Variants in OVCH1 observed in about 807,000 individuals in gnomAD.
OVCH1 encodes the protein ovochymase-1.
OVCH1 carries 139 observed loss-of-function variants against 138.4 expected under a neutral mutation model. The observed-to-expected ratio is 1.00, with a 90% CI of 0.87 to 1.16. The LOEUF is 1.16. Ranked by LOEUF, OVCH1 falls within the 50% of genes most tolerant of loss-of-function variation. The probability of loss-of-function intolerance (pLI) is 0.00; values close to 1 mark genes in which losing one functional copy is unlikely to be tolerated. For synonymous variants in OVCH1, 453 were observed against 467.8 expected (o/e 0.97, Z 0.41); for missense variants, 1,367 against 1,357.9 (o/e 1.01, Z -0.11).
chr12:29,452,546 G>T (rs1025392029), intron 21 of OVCH1, among the ~76,000 whole-genome samples: 1 of 152,094 alleles, frequency 6.6e-6, no homozygotes, highest in Non-Finnish European at 1.5e-5. Context: ...TCTGGGAATG[G>T]TGTATAAAAC....
intron 6 of OVCH1, among the ~76,000 whole-genome samples, chr12:29,488,620 C>CAAAAAAAAAAAAAAAAAAAAAAAAAA (rs67595567): frequency 5.0e-4 from 31 of 61,728 alleles, no homozygotes; most frequent in Middle Eastern, 9.8e-3. Context: ...GACTCCATCT[C>CAAAAAAAAAAAAAAAAAAAAAAAAAA]AAAAAAAAAA....
intron 6 of OVCH1, among the ~76,000 whole-genome samples, chr12:29,488,933 C>T (rs952542610): frequency 1.6e-4 from 24 of 152,136 alleles, no homozygotes; most frequent in Non-Finnish European, 3.5e-4. Context: ...GTCATCGCCT[C>T]GAAGAAAAAC....
downstream of OVCH1, among the ~76,000 whole-genome samples, chr12:29,410,728 C>G (rs1329329216): frequency 1.3e-5 from 2 of 151,890 alleles, no homozygotes; most frequent in Non-Finnish European, 2.9e-5. Flanking sequence ...ACCTTTCTCT[C>G]TGGCTGCCCT....
chr12:29,472,057 G>C, intron 15 of OVCH1, 75 bp from the exon 16 acceptor site: 6 of 1,354,074 alleles, frequency 4.4e-6, no homozygotes, highest in Non-Finnish European at 6.0e-6. Flanking sequence ...GCTTGCCATA[G>C]TTAACAGTAG....
chr12:29,478,851 G>A, exon 9 of OVCH1: 1 of 1,589,162 alleles, frequency 6.3e-7, no homozygotes, highest in Non-Finnish European at 8.6e-7. Context: ...GCACTCCACT[G>A]CTTGATCGTA....
Position 29,485,141 on chromosome 12 carries a change from C to T in OVCH1, c.995+1105G>A, listed in dbSNP as rs537661159. Among the ~76,000 whole-genome samples the T allele has an allele frequency of 1.8e-3, 272 of 151,988 alleles. 1 individual carries two copies. Among genetic ancestry groups the T allele is most frequent in the African/African-American group, 6.3e-3 (261 of 41,450 alleles). Reference sequence around the variant, plus strand: ...TAACGTACAATTTGAGAAGCTGAGGCGGTTGCATCACTTGAGGTCGGGAGT... The same window carrying T: ...TAACGTACAATTTGAGAAGCTGAGGTGGTTGCATCACTTGAGGTCGGGAGT... On this transcript the variant is annotated intron_variant, in intron 8 of 27. Transcript: ENST00000318184.
rs762411340 is a variant in OVCH1, at chr12:29,451,525, G to GA, written c.2574dup (p.Pro859SerfsTer10). ...TAATCCAGTAGATACCGTGGTGTGGGAAAAAAGCCTCTAGGCTTTTCTAGC... is the reference window on the plus strand; with the variant it reads ...TAATCCAGTAGATACCGTGGTGTGGGAAAAAAAGCCTCTAGGCTTTTCTAGC... On this transcript the variant is annotated frameshift_variant, in exon 22 of 28. Coordinates refer to ENST00000318184, the Ensembl canonical transcript of OVCH1. LOFTEE classifies it high-confidence loss of function. 6.2e-6 allele frequency: 10 copies of GA among 1,612,744 alleles called. No homozygotes were observed. Among genetic ancestry groups the GA allele is most frequent in the African/African-American group, 2.7e-5 (2 of 74,814 alleles).
At chr12:29,474,246 TC>T (rs1327948146) in intron 14 of OVCH1, among the ~76,000 whole-genome samples, 1 of 152,174 alleles carries the variant, frequency 6.6e-6, no homozygotes, top group East Asian at 1.9e-4. Flanking sequence ...TCAGTACTTT[TC>T]TTGCATGTAA....
intron 10 of OVCH1, 31 bp from the exon 11 acceptor site, chr12:29,477,509 A>G (rs1382672363): frequency 6.2e-7 from 1 of 1,613,902 alleles, no homozygotes; most frequent in Admixed American, 1.7e-5. Context: ...GTGAAATAAC[A>G]TTACTAAAAA....
the OVCH1 span, among the ~76,000 whole-genome samples, chr12:29,405,046 A>G: frequency 4.7e-5 from 7 of 150,112 alleles, no homozygotes; most frequent in Middle Eastern, 0.024. Context: ...AAAAAAAAAA[A>G]AAAAAAAAAA....
intron 16 of OVCH1, among the ~76,000 whole-genome samples, chr12:29,469,645 C>G (rs947531611): frequency 6.6e-6 from 1 of 151,652 alleles, no homozygotes; most frequent in Non-Finnish European, 1.5e-5. Flanking sequence ...TTTGGGAAGC[C>G]AAGGTGGGAG....
rs1271176450 is a variant in OVCH1, at chr12:29,451,464, ACT to A, written c.2634_2635del (p.Arg878SerfsTer12). 1 of 1,613,056 alleles carries A rather than the reference ACT, an allele frequency of 6.2e-7. No homozygotes were observed. The highest frequency in any genetic ancestry group is 8.5e-7 in the Non-Finnish European group (1 of 1,179,566). On this transcript the variant is annotated frameshift_variant, in exon 22 of 28. Coordinates refer to ENST00000318184, the Ensembl canonical transcript of OVCH1. LOFTEE classifies it high-confidence loss of function. ...AAATTTTGCCATACTGCTTGCTGAA[ACT>A]CTGAGCACCCAAGAACATTCCAGTC...
intron 14 of OVCH1, among the ~76,000 whole-genome samples, chr12:29,474,074 T>TACACACACACATAC (rs1555150618): frequency 5.5e-5 from 8 of 145,290 alleles, no homozygotes; most frequent in Admixed American, 4.2e-4. Flanking sequence ...CACACACACA[T>TACACACACACATAC]ACACACACAC....
chr12:29,405,056 A>AAC, the OVCH1 span, among the ~76,000 whole-genome samples: 2 of 112,010 alleles, frequency 1.8e-5, no homozygotes, highest in African/African-American at 6.3e-5. Flanking sequence ...AAAAAAAAAA[A>AAC]CAAAAGAAAT....
intron 2 of OVCH1, 77 bp downstream of exon 2, chr12:29,496,479 G>A (rs1328956309): frequency 4.5e-6 from 6 of 1,338,768 alleles, no homozygotes; most frequent in Non-Finnish European, 5.2e-6. Flanking sequence ...ACATATCAAC[G>A]TGCATTCTTG....
chr12:29,407,070 T>A, the OVCH1 span, among the ~76,000 whole-genome samples: 1 of 152,088 alleles, frequency 6.6e-6, no homozygotes, highest in Non-Finnish European at 1.5e-5. Context: ...TGATGAGTAT[T>A]TTTTCATGTG....
At chr12:29,465,119 A>C (rs1167339031) in intron 17 of OVCH1, 28 bp downstream of exon 17, 1 of 1,553,518 alleles carries the variant, frequency 6.4e-7, no homozygotes, top group Non-Finnish European at 8.8e-7. Context: ...GATTACAGGC[A>C]GAATGACCTG....
At chr12:29,408,245 G>A (rs1432167042), downstream of OVCH1, among the ~76,000 whole-genome samples, 71 of 126,854 alleles carry the variant, frequency 5.6e-4, no homozygotes, top group African/African-American at 1.7e-3. Flanking sequence ...CAATCATGTT[G>A]TCTGCAAACA....
At chr12:29,486,758 TATC>T (rs1210174376) in intron 7 of OVCH1, 8 of 326,528 alleles carry the variant, frequency 2.5e-5, no homozygotes, top group African/African-American at 1.3e-4. Context: ...ATAAATCACT[TATC>T]ATGTTCTGGT....
Sources: allele counts gnomAD v4.1 joint callset (sites outside exome capture counted in the v4.1 genomes callset), GRCh38; gene constraint gnomAD v4.1.1; transcripts MANE v1.5; gene names NCBI Gene and HGNC (gene_info 2026-07-23, HGNC 2026-07-21).